The following ABLIM1 variants were observed in gnomAD, a reference collection of about 807,000 sequenced individuals.
ABLIM1 encodes actin binding LIM protein 1, also known as actin-binding LIM protein 1.
ABLIM1 carries 40 observed loss-of-function variants against 107.0 expected under a neutral mutation model. That is an observed-to-expected ratio of 0.37 (90% CI 0.29 to 0.49). The LOEUF is 0.49. ABLIM1 is among the 20% of genes least tolerant of loss of function. The pLI is 0.97. For synonymous variants in ABLIM1, 357 were observed against 357.3 expected, an observed-to-expected ratio of 1.00 and a Z score of 0.01; for missense variants, 857 against 1,008.5, an observed-to-expected ratio of 0.85 and a Z score of 2.04.
chr10:114,658,907 T>C (rs1371377629), upstream of ABLIM1, among the ~76,000 whole-genome samples: 1 of 152,236 alleles, frequency 6.6e-6, no homozygotes, highest in African/African-American at 2.4e-5. Flanking sequence ...TGTAGGTAGC[T>C]TCAGCTTTAC....
At chr10:114,787,293 GC>G in the ABLIM1 span, among the ~76,000 whole-genome samples, 1 of 151,322 alleles carries the variant, frequency 6.6e-6, no homozygotes, top group African/African-American at 2.4e-5. Context: ...GAGCCTCTCT[GC>G]CCAGCAGCCG....
chr10:114,485,393 A>G (rs763802010), intron 8 of ABLIM1: 3 of 1,607,100 alleles, frequency 1.9e-6, no homozygotes, highest in Non-Finnish European at 8.5e-7. Flanking sequence ...GCCATGAAAC[A>G]TGAGAAAAGG....
chr10:114,597,657 G>T (rs753913555), intron 2 of ABLIM1, among the ~76,000 whole-genome samples: 5 of 152,158 alleles, frequency 3.3e-5, no homozygotes, highest in Non-Finnish European at 7.4e-5. Context: ...GAAATGTCTC[G>T]TGTCAGAGAT....
chr10:114,735,581 T>C (rs1186895469), intron 1 of ABLIM1, among the ~76,000 whole-genome samples: 1 of 152,228 alleles, frequency 6.6e-6, no homozygotes, highest in Non-Finnish European at 1.5e-5. Flanking sequence ...GCGATTCTCC[T>C]GCCTCAGTCT....
Position 114,490,974 on chromosome 10 carries a change from A to ATGTGTG in ABLIM1, c.982+811_982+816dup, listed in dbSNP as rs140256636. 6.0e-4 allele frequency among the ~76,000 whole-genome samples: 60 copies of ATGTGTG among 99,178 alleles called. 1 individual carries two copies. Among genetic ancestry groups the ATGTGTG allele is most frequent in the East Asian group, 2.2e-3 (6 of 2,738 alleles). The allele number at this position is 99,178 out of a possible 152,430, so 65.1% of individuals were successfully genotyped here. A position where few individuals can be genotyped will look rare whatever the true frequency, so the allele number is the denominator to read the frequency against. On this transcript the variant is annotated intron_variant, in intron 7 of 22. Coordinates refer to ENST00000533213, the MANE Select transcript of ABLIM1 (RefSeq NM_002313.7). ...GTGAGCCACCACGCCCGGCATATAT[A>ATGTGTG]TGTGTGTGTGTGTGTGTGTGTGTGT...
chr10:114,757,594 C>A (rs1244426209), intron 1 of ABLIM1, among the ~76,000 whole-genome samples: 2 of 152,160 alleles, frequency 1.3e-5, no homozygotes, highest in African/African-American at 4.8e-5. Context: ...CTAAGCAATT[C>A]TTTAGAAACA....
chr10:114,442,273 A>C (rs1387420922), intron 17 of ABLIM1, among the ~76,000 whole-genome samples: 1 of 152,128 alleles, frequency 6.6e-6, no homozygotes, highest in African/African-American at 2.4e-5. Flanking sequence ...CTGGAAGCCA[A>C]CCCTGTATGT....
At chr10:114,662,509 C>G (rs914129579), upstream of ABLIM1, among the ~76,000 whole-genome samples, 8 of 152,136 alleles carry the variant, frequency 5.3e-5, no homozygotes, top group Non-Finnish European at 1.0e-4. Flanking sequence ...GGCATCTTCT[C>G]TGCAAAGCCC....
Position 114,724,772 on chromosome 10 carries a change from G to A in ABLIM1, c.-213+43289C>T, listed in dbSNP as rs555676854. ...CCTCACCTGGACTGTCCGGCCCTAA[G>A]GAGAGACTCAAAGAAGGCTATGAGG... On this transcript the variant is annotated intron_variant, in intron 1 of 15. Coordinates refer to the ABLIM1 transcript ENST00000651092. Among the ~76,000 whole-genome samples the A allele has an allele frequency of 6.5e-4, 99 of 152,214 alleles. 3 individuals are homozygous for A. In the South Asian group the frequency reaches 0.02, roughly 30 times the overall value.
chr10:114,487,996 C>A lies in ABLIM1; in HGVS notation c.1003G>T (p.Asp335Tyr). The part of the protein sequence containing the change: ...YLQGSTVWHP[D>Y]CKQSTKTEEK... The stretch of plus-strand genomic sequence containing the variant: ...TCGGTCTTCGTAGATTGCTTACAGT[C>A]GGGATGCCAAACGGTGGAGCCTGAG... The change falls in exon 8 of 23, where the codon GAC becomes TAC. Residue 335 changes from aspartate to tyrosine, a missense_variant. By Grantham distance (160) the Asp-to-Tyr change is radical. This residue lies in a region of ABLIM1 where 381 missense variants were observed against 506.9 expected (regional missense o/e 0.75). Transcript: ENST00000533213. The A allele has an allele frequency of 6.2e-7, 1 of 1,614,102 alleles. No homozygotes were observed.
chr10:114,682,943 G>A (rs1467223977), intron 1 of ABLIM1, among the ~76,000 whole-genome samples: 2 of 152,100 alleles, frequency 1.3e-5, no homozygotes, highest in African/African-American at 4.8e-5. Context: ...GAAAAACAGA[G>A]GACTTTAAAT....
intron 10 of ABLIM1, among the ~76,000 whole-genome samples, chr10:114,470,452 G>T (rs1431828239): frequency 1.4e-5 from 2 of 145,484 alleles, no homozygotes; most frequent in Non-Finnish European, 3.0e-5. Context: ...AAGGCAATAT[G>T]TATATGAGGT....
At chr10:114,620,689 G>C (rs2077412499) in intron 1 of ABLIM1, among the ~76,000 whole-genome samples, 1 of 152,178 alleles carries the variant, frequency 6.6e-6, no homozygotes, top group Admixed American at 6.5e-5. Context: ...TGGAATTACA[G>C]GCATGAGCCA....
At chr10:114,540,866 G>A (rs1032822667) in intron 6 of ABLIM1, among the ~76,000 whole-genome samples, 3 of 152,092 alleles carry the variant, frequency 2.0e-5, no homozygotes, top group South Asian at 2.1e-4. Flanking sequence ...ATGGTGACCC[G>A]ATCATCACCA....
chr10:114,622,233 C>T (rs945887459), intron 1 of ABLIM1, among the ~76,000 whole-genome samples: 7 of 151,468 alleles, frequency 4.6e-5, no homozygotes, highest in African/African-American at 1.7e-4. Context: ...TTCCTATCAT[C>T]CACTTTTCTT....
intron 7 of ABLIM1, 84 bp from the exon 8 acceptor site, chr10:114,488,100 C>CT: frequency 7.2e-7 from 1 of 1,383,174 alleles, no homozygotes; most frequent in East Asian, 2.3e-5. Flanking sequence ...AGAATGGCTC[C>CT]TATCCCTCTT....
chr10:114,672,691 C>T (rs1410147019), intron 1 of ABLIM1, among the ~76,000 whole-genome samples: 1 of 152,158 alleles, frequency 6.6e-6, no homozygotes, highest in Non-Finnish European at 1.5e-5. Flanking sequence ...CTGTTTAAAA[C>T]ATCTTTGTTT....
intron 6 of ABLIM1, among the ~76,000 whole-genome samples, chr10:114,523,246 C>T (rs751160487): frequency 1.3e-5 from 2 of 152,178 alleles, no homozygotes; most frequent in Non-Finnish European, 2.9e-5. Context: ...CTGTCTCTCA[C>T]TACGGCATCT....
chr10:114,500,683 GAAAA>G (rs71007473), intron 6 of ABLIM1, among the ~76,000 whole-genome samples: 6 of 52,564 alleles, frequency 1.1e-4, no homozygotes, highest in Admixed American at 2.5e-4. Context: ...TGTGTCGAAA[GAAAA>G]AAAAAAAAAA....
Sources: gnomAD v4.1 joint callset for allele counts (sites outside exome capture counted in the v4.1 genomes callset) on GRCh38, gnomAD v4.1.1 for gene constraint, gnomAD v4.1.1 regional missense constraint, MANE v1.5 for transcripts, NCBI Gene and HGNC (gene_info 2026-07-23, HGNC 2026-07-21) for gene names.